The following DNAAF6 variants were observed in gnomAD, a reference collection of about 807,000 sequenced individuals.
The protein encoded by DNAAF6 is dynein axonemal assembly factor 6.
A neutral mutation model predicts 13.7 loss-of-function variants in DNAAF6; 3 were observed. That is an observed-to-expected ratio of 0.22 (90% CI 0.10 to 0.56). The LOEUF is 0.56. DNAAF6 is among the 20% of genes least tolerant of loss of function. DNAAF6 has a pLI of 0.92. For missense variants in DNAAF6, 130 were observed against 151.0 expected, an observed-to-expected ratio of 0.86 and a Z score of 0.73; for synonymous variants, 54 against 49.2, an observed-to-expected ratio of 1.10 and a Z score of -0.41.
chrX:107,221,327 T>C (rs1202791579), intron 4 of DNAAF6, among the ~76,000 whole-genome samples: 1 of 109,917 alleles, frequency 9.1e-6, no homozygotes, highest in Non-Finnish European at 1.9e-5. Context: ...CGCCCATTGT[T>C]CACTGCAGCC....
At chrX:107,236,286 CA>C (rs1307572306) in intron 5 of DNAAF6, among the ~76,000 whole-genome samples, 4 of 112,298 alleles carry the variant, frequency 3.6e-5, no homozygotes, top group Admixed American at 1.9e-4. Context: ...TTCTTTAAAA[CA>C]AATTCAATTT....
rs147484030 is a variant in DNAAF6 at position 107,213,175 on chromosome X, A to T, written c.153+147A>T. 1,614 of 501,717 alleles carry T rather than the reference A, an allele frequency of 3.2e-3. 25 individuals carry two copies. The African/African-American group carries it at 0.034, about 11-fold the overall frequency. 41.3% of individuals were successfully genotyped at this position (501,717 alleles called of 1,213,427 possible). ...AGCTACAAGGCTGATTATGCATGAC[A>T]ATGTAACCTGTAGTACATTTCTAGC... On this transcript the variant is annotated intron_variant, in intron 2 of 6. Transcript: ENST00000372453.
intron 6 of DNAAF6, among the ~76,000 whole-genome samples, chrX:107,241,444 C>T (rs1042782131): frequency 9.0e-6 from 1 of 111,576 alleles, no homozygotes; most frequent in African/African-American, 3.2e-5. Context: ...TAGTACTAAT[C>T]TATGGTAATT....
chrX:107,241,228 A>G (rs972805910), intron 6 of DNAAF6, among the ~76,000 whole-genome samples: 5 of 112,246 alleles, frequency 4.5e-5, no homozygotes, highest in African/African-American at 1.3e-4. Flanking sequence ...TAATATAAGT[A>G]TAAGCATGTA....
intron 2 of DNAAF6, 37 bp downstream of exon 2, chrX:107,213,065 A>G: frequency 8.7e-7 from 1 of 1,143,462 alleles, no homozygotes; most frequent in South Asian, 2.2e-5. Context: ...AGTTTTGTTC[A>G]TGGGAAGTTG....
At chrX:107,223,462 TCAATGATACCACCTTA>T (rs1330420832) in intron 5 of DNAAF6, among the ~76,000 whole-genome samples, 1 of 111,793 alleles carries the variant, frequency 8.9e-6, no homozygotes, top group Non-Finnish European at 1.9e-5. Context: ...ACCAACAATA[TCAATGATACCACCTTA>T]CTTTTGCTTA....
chrX:107,230,787 C>T (rs1431324743), intron 5 of DNAAF6, among the ~76,000 whole-genome samples: 4 of 112,075 alleles, frequency 3.6e-5, no homozygotes, highest in African/African-American at 9.7e-5. Context: ...GGAAGGGCCC[C>T]GTGTGATCTG....
chrX:107,230,788 G>A (rs1259004741), intron 5 of DNAAF6, among the ~76,000 whole-genome samples: 2 of 112,028 alleles, frequency 1.8e-5, no homozygotes, highest in African/African-American at 3.2e-5. Context: ...GAAGGGCCCC[G>A]TGTGATCTGA....
At chrX:107,219,469 G>A (rs1486094345) in intron 4 of DNAAF6, among the ~76,000 whole-genome samples, 1 of 110,903 alleles carries the variant, frequency 9.0e-6, no homozygotes, top group Non-Finnish European at 1.9e-5. Flanking sequence ...TTGCAAGCAG[G>A]GTTCAAGACT....
chrX:107,227,551 T>C (rs16987301), intron 5 of DNAAF6, among the ~76,000 whole-genome samples: 5,862 of 109,443 alleles, frequency 0.054, 414 homozygotes, highest in African/African-American at 0.19. Flanking sequence ...TACCAGACCA[T>C]GTGGCACAGG....
At chrX:107,239,574 G>A (rs1928586202) in intron 6 of DNAAF6, among the ~76,000 whole-genome samples, 2 of 111,202 alleles carry the variant, frequency 1.8e-5, no homozygotes, top group African/African-American at 6.5e-5. Flanking sequence ...TTGGGAGGCA[G>A]GCAGTTGCTG....
intron 5 of DNAAF6, among the ~76,000 whole-genome samples, chrX:107,227,617 A>G (rs1011830618): frequency 1.8e-5 from 2 of 110,465 alleles, no homozygotes; most frequent in African/African-American, 3.3e-5. Flanking sequence ...GCAGCACAGT[A>G]AACCTTCACT....
chrX:107,221,756 A>G (rs970394895), intron 4 of DNAAF6, among the ~76,000 whole-genome samples: 1 of 111,100 alleles, frequency 9.0e-6, no homozygotes, highest in African/African-American at 3.3e-5. Context: ...AGTGCCCCAT[A>G]GCAAATAGCT....
chrX:107,213,856 G>A (rs970539764), intron 2 of DNAAF6, among the ~76,000 whole-genome samples: 1 of 111,675 alleles, frequency 9.0e-6, no homozygotes, highest in African/African-American at 3.3e-5. Flanking sequence ...TTATTTTAAT[G>A]AAGTGTTTTG....
chrX:107,220,482 G>A (rs896964991), intron 4 of DNAAF6, among the ~76,000 whole-genome samples: 1 of 111,888 alleles, frequency 8.9e-6, no homozygotes, highest in Admixed American at 9.5e-5. Flanking sequence ...ATCCATGAAA[G>A]CTTTAAATGA....
At chrX:107,210,012 T>C (rs183101182) in intron 1 of DNAAF6, among the ~76,000 whole-genome samples, 1 of 111,375 alleles carries the variant, frequency 9.0e-6, no homozygotes, top group East Asian at 2.8e-4. Context: ...GGTTGAACTT[T>C]TTCAGCCCCT....
At chrX:107,206,769 C>A (rs1352790178) in intron 1 of DNAAF6, 79 bp downstream of exon 1, 1 of 110,775 alleles carries the variant, frequency 9.0e-6, no homozygotes, top group African/African-American at 3.3e-5. Context: ...AGGGAGAACT[C>A]TAGATATTTA....
At chrX:107,215,221 T>C (rs1019001466) in intron 2 of DNAAF6, among the ~76,000 whole-genome samples, 4 of 111,649 alleles carry the variant, frequency 3.6e-5, no homozygotes, top group African/African-American at 1.3e-4. Context: ...AATTAATAAA[T>C]TGAAACTCCC....
rs182967666 is a variant in DNAAF6, at chrX:107,220,736, A to G, written c.332+1767A>G. Among the ~76,000 whole-genome samples the G allele has an allele frequency of 2.7e-3, 296 of 111,239 alleles. 3 individuals are homozygous for G. Among genetic ancestry groups the G allele is most frequent in the African/African-American group, 9.1e-3 (278 of 30,597 alleles). ...GGGTCTTTATTTGAGTGAGTTTTGGATGAAGAGTTGGTATTTGGTTAGATA... is the reference window on the plus strand; with the variant it reads ...GGGTCTTTATTTGAGTGAGTTTTGGGTGAAGAGTTGGTATTTGGTTAGATA... On this transcript the variant is annotated intron_variant, in intron 4 of 6. Coordinates refer to ENST00000372453, the MANE Select transcript of DNAAF6 (RefSeq NM_173494.2).
Sources: gnomAD v4.1 joint callset for allele counts (sites outside exome capture counted in the v4.1 genomes callset) on GRCh38, gnomAD v4.1.1 for gene constraint, MANE v1.5 for transcripts, NCBI Gene and HGNC (gene_info 2026-07-23, HGNC 2026-07-21) for gene names.